The following ADAMTSL3 variants were observed in gnomAD, a reference collection of about 807,000 sequenced individuals.
ADAMTSL3 encodes ADAMTS-like protein 3.
In ADAMTSL3, 128 loss-of-function variants were observed where a neutral mutation model predicts 201.7. That is an observed-to-expected ratio of 0.63 (90% CI 0.55 to 0.73). ADAMTSL3 has a LOEUF of 0.73. ADAMTSL3 is among the 30% of genes least tolerant of loss of function. The pLI, the probability that ADAMTSL3 is intolerant of heterozygous loss-of-function variation, is 0.00. For missense variants in ADAMTSL3, 1,990 were observed against 2,119.6 expected (o/e 0.94, Z 1.20); for synonymous variants, 738 against 748.4 (o/e 0.99, Z 0.23).
chr15:83,799,590 G>A (rs985411969), intron 4 of ADAMTSL3, among the ~76,000 whole-genome samples: 6 of 152,034 alleles, frequency 3.9e-5, no homozygotes, highest in African/African-American at 1.4e-4. Context: ...ATCATCAAAT[G>A]AATATAATAA....
intron 28 of ADAMTSL3, among the ~76,000 whole-genome samples, chr15:84,032,816 T>C (rs181568941): frequency 3.9e-5 from 6 of 152,314 alleles, no homozygotes; most frequent in African/African-American, 7.2e-5. Flanking sequence ...CTGGAACATA[T>C]ATCTTTGGGT....
chr15:83,968,225 C>CT (rs1426803444), intron 19 of ADAMTSL3, among the ~76,000 whole-genome samples: 1 of 152,178 alleles, frequency 6.6e-6, no homozygotes, highest in Non-Finnish European at 1.5e-5. Context: ...GCAAAAGAAA[C>CT]TATCATCAGA....
At chr15:84,025,191 A>T in intron 26 of ADAMTSL3, 47 bp from the exon 27 acceptor site, 1 of 1,495,942 alleles carries the variant, frequency 6.7e-7, no homozygotes, top group Non-Finnish European at 9.0e-7. Flanking sequence ...CCCCTCTAAG[A>T]TCTGGCATAC....
At chr15:83,907,177 A>G (rs2065854163) in intron 15 of ADAMTSL3, among the ~76,000 whole-genome samples, 2 of 151,154 alleles carry the variant, frequency 1.3e-5, no homozygotes. Flanking sequence ...TATTACTGAT[A>G]GTTCTGGTCT....
At chr15:83,745,685 C>T (rs2062533531) in intron 3 of ADAMTSL3, among the ~76,000 whole-genome samples, 1 of 152,220 alleles carries the variant, frequency 6.6e-6, no homozygotes. Context: ...CACCCATGCA[C>T]TCCAGTTCCC....
intron 16 of ADAMTSL3, among the ~76,000 whole-genome samples, chr15:83,917,417 G>GTGTA (rs56329675): frequency 0.18 from 26,582 of 146,468 alleles, 2,654 homozygotes; most frequent in South Asian, 0.25. Context: ...TCCAAAGTGT[G>GTGTA]TGTATGTATG....
At chr15:83,867,436 T>C (rs372121731) in intron 8 of ADAMTSL3, among the ~76,000 whole-genome samples, 1 of 152,218 alleles carries the variant, frequency 6.6e-6, no homozygotes, top group Non-Finnish European at 1.5e-5. Context: ...ACAGATTTTA[T>C]TGTAGCAAAA....
rs573748639 is a variant in ADAMTSL3 at position 83,885,072 on chromosome 15, C to T, written c.961-29C>T. On this transcript the variant is annotated intron_variant, in intron 9 of 29. Coordinates refer to ENST00000286744, the MANE Select transcript of ADAMTSL3 (RefSeq NM_207517.3). The stretch of plus-strand genomic sequence containing the variant: ...GGAAAGCACTAGCTCCTTGTTTGCA[C>T]GTGTGTTCTCACAGTTCTCTTTGTC... 1.4e-4 allele frequency: 204 copies of T among 1,492,890 alleles called. 2 individuals carry two copies. The South Asian group carries it at 1.9e-3, about 14-fold the overall frequency. 92.5% of individuals were successfully genotyped at this position (1,492,890 alleles called of 1,614,324 possible). A position where few individuals can be genotyped will look rare whatever the true frequency, so the allele number is the denominator to read the frequency against.
At chr15:83,823,017 A>G (rs1406173247) in intron 6 of ADAMTSL3, among the ~76,000 whole-genome samples, 1 of 151,590 alleles carries the variant, frequency 6.6e-6, no homozygotes, top group African/African-American at 2.4e-5. Flanking sequence ...ACACAGCGAA[A>G]CCCCGTCTCC....
At chr15:83,727,309 T>A (rs909010443) in intron 3 of ADAMTSL3, among the ~76,000 whole-genome samples, 2 of 152,012 alleles carry the variant, frequency 1.3e-5, no homozygotes, top group Non-Finnish European at 2.9e-5. Context: ...TAAGGGTTTG[T>A]TGATTTTGTT....
intron 3 of ADAMTSL3, among the ~76,000 whole-genome samples, chr15:83,736,464 A>G (rs1305572420): frequency 6.6e-6 from 1 of 152,214 alleles, no homozygotes; most frequent in African/African-American, 2.4e-5. Context: ...ACAAAGTTGT[A>G]CCAACAAACT....
In ADAMTSL3 at chr15:83,800,341, C is replaced by A. The variant is rs546680356; in HGVS notation, c.318-4309C>A. 3.3e-5 allele frequency among the ~76,000 whole-genome samples: 5 copies of A among 152,164 alleles called. No individual in the cohort carries two copies. In the East Asian group the frequency reaches 9.7e-4, roughly 29 times the overall value. ...TAGTGGGATTTGTAGGAGAGTTGTACATACTTTTTAGGTTTATATTTTCAG... is the reference window on the plus strand; with the variant it reads ...TAGTGGGATTTGTAGGAGAGTTGTAAATACTTTTTAGGTTTATATTTTCAG... On this transcript the variant is annotated intron_variant, in intron 4 of 29. Transcript: ENST00000286744.
chr15:83,750,505 AC>A (rs2062621657), intron 3 of ADAMTSL3, among the ~76,000 whole-genome samples: 1 of 152,148 alleles, frequency 6.6e-6, no homozygotes, highest in African/African-American at 2.4e-5. Flanking sequence ...ACTGATCAGA[AC>A]TCTGGTCCCC....
Position 83,882,866 on chromosome 15 carries a change from T to C in ADAMTSL3, c.961-2235T>C, listed in dbSNP as rs181981787. The stretch of plus-strand genomic sequence containing the variant: ...TTAGGATTTTTGTTTATGCTTTTTG[T>C]TTTATTTTTTAAAATGTCTAGAACT... On this transcript the variant is annotated intron_variant, in intron 9 of 29. Coordinates refer to ENST00000286744, the MANE Select transcript of ADAMTSL3 (RefSeq NM_207517.3). 7.2e-4 allele frequency among the ~76,000 whole-genome samples: 109 copies of C among 152,230 alleles called. 3 individuals carry two copies. In the East Asian group the frequency reaches 0.018, roughly 25 times the overall value.
intron 19 of ADAMTSL3, among the ~76,000 whole-genome samples, chr15:83,960,511 A>G (rs1045123118): frequency 2.6e-5 from 4 of 151,982 alleles, no homozygotes; most frequent in Non-Finnish European, 4.4e-5. Flanking sequence ...AGTACCTCGG[A>G]AAAAAAACTG....
chr15:83,714,923 T>A (rs867250762), intron 3 of ADAMTSL3, among the ~76,000 whole-genome samples: 14 of 121,008 alleles, frequency 1.2e-4, no homozygotes, highest in Admixed American at 9.0e-4. Context: ...CCTTCCTTCC[T>A]TCCTTCCTTC....
chr15:83,887,537 AG>A (rs2065419697), intron 10 of ADAMTSL3, among the ~76,000 whole-genome samples: 1 of 152,154 alleles, frequency 6.6e-6, no homozygotes, highest in South Asian at 2.1e-4. Flanking sequence ...TATGAGGCAA[AG>A]GTTCCTTTAC....
At chr15:83,987,974 GTTC>G (rs2067511827) in intron 21 of ADAMTSL3, among the ~76,000 whole-genome samples, 2 of 152,184 alleles carry the variant, frequency 1.3e-5, no homozygotes, top group South Asian at 4.2e-4. Flanking sequence ...CCTAACAAAG[GTTC>G]TTCTCACCTT....
chr15:84,010,824 C>T (rs1372538384), intron 23 of ADAMTSL3, among the ~76,000 whole-genome samples: 2 of 152,120 alleles, frequency 1.3e-5, no homozygotes, highest in Non-Finnish European at 2.9e-5. Flanking sequence ...GGCACTATAC[C>T]ATGAAAAGTC....
Sources: gnomAD v4.1 joint callset for allele counts (sites outside exome capture counted in the v4.1 genomes callset) on GRCh38, gnomAD v4.1.1 for gene constraint, MANE v1.5 for transcripts, NCBI Gene and HGNC (gene_info 2026-07-23, HGNC 2026-07-21) for gene names.